The following NPHP4 variants were observed in gnomAD, a reference collection of about 807,000 sequenced individuals.
NPHP4 encodes the protein nephrocystin-4.
Under a neutral mutation model 155.8 loss-of-function variants are expected in NPHP4, and 151 were observed. The ratio of observed to expected loss-of-function variants is 0.97; its 90% CI spans 0.85 to 1.11. The LOEUF is 1.11. Among genes scored for constraint, NPHP4 ranks in the 50% least tolerant of loss-of-function variants. The probability of loss-of-function intolerance (pLI) is 0.00; values close to 1 mark genes in which losing one functional copy is unlikely to be tolerated. For missense variants in NPHP4, 1,956 were observed against 1,925.7 expected, an observed-to-expected ratio of 1.02 and a Z score of -0.29; for synonymous variants, 845 against 816.8, an observed-to-expected ratio of 1.03 and a Z score of -0.59.
At chr1:5,877,477 A>G (rs1243292232) in intron 19 of NPHP4, 179 bp from the exon 20 acceptor site, 1 of 444,986 alleles carries the variant, frequency 2.2e-6, no homozygotes, top group African/African-American at 2.0e-5. Flanking sequence ...ATAACTTTAT[A>G]CCCTGGTTTC....
intron 6 of NPHP4, among the ~76,000 whole-genome samples, chr1:5,955,034 A>C (rs1287262385): frequency 1.3e-5 from 2 of 152,116 alleles, no homozygotes; most frequent in African/African-American, 4.8e-5. Flanking sequence ...CAACAGAAAA[A>C]AAAAAAAACT....
chr1:5,944,180 C>T lies in NPHP4; in HGVS notation c.1119+2924G>A, dbSNP rs1458868029. ...TCCAGGAAGCTGGCAGCCGGGGAAGCTCCGTGGGGCCCATCGCACCAGCCA... is the reference window on the plus strand; with the variant it reads ...TCCAGGAAGCTGGCAGCCGGGGAAGTTCCGTGGGGCCCATCGCACCAGCCA... On this transcript the variant is annotated intron_variant, in intron 9 of 29. Coordinates refer to ENST00000378156, the MANE Select transcript of NPHP4 (RefSeq NM_015102.5). The surrounding 1 kb of genome is among the most constrained non-coding windows in gnomAD (Gnocchi z 4.3). Among the ~76,000 whole-genome samples the T allele has an allele frequency of 6.6e-6, 1 of 152,230 alleles. No individual in the cohort carries two copies. Among genetic ancestry groups the T allele is most frequent in the East Asian group, 1.9e-4 (1 of 5,198 alleles).
chr1:5,977,974 C>A (rs1174875872), intron 3 of NPHP4, among the ~76,000 whole-genome samples: 2 of 148,562 alleles, frequency 1.3e-5, no homozygotes, highest in Non-Finnish European at 3.0e-5. Flanking sequence ...CATTTCCCAA[C>A]TTATTCCCAA....
At chr1:5,879,963 G>T (rs902865975) in intron 19 of NPHP4, 151 bp downstream of exon 19, 4 of 919,168 alleles carry the variant, frequency 4.4e-6, no homozygotes, top group Non-Finnish European at 5.0e-6. Flanking sequence ...GCACAGTCCC[G>T]TCCTAGACGC....
At position 5,910,189 on chromosome 1, in the gene NPHP4, A is replaced by G. The variant is rs1412429563; in HGVS notation, c.1442-976T>C. On this transcript the variant is annotated intron_variant, in intron 11 of 29. Coordinates refer to ENST00000378156, the MANE Select transcript of NPHP4 (RefSeq NM_015102.5). This position sits in a 1 kb window ranked among gnomAD's most constrained non-coding sequence, Gnocchi z 5.4. ...CATCCTGACGGGGCCACCTCTGCCC[A>G]CTCAGAGGCCAGGGTGGGAGCCCTG... is the stretch of plus-strand genomic sequence containing the variant. Among the ~76,000 whole-genome samples the G allele has an allele frequency of 6.6e-6, 1 of 151,982 alleles. No homozygotes were observed. Among genetic ancestry groups the G allele is most frequent in the Non-Finnish European group, 1.5e-5 (1 of 67,970 alleles).
At chr1:5,949,807 A>C (rs1647602024) in intron 7 of NPHP4, among the ~76,000 whole-genome samples, 1 of 152,152 alleles carries the variant, frequency 6.6e-6, no homozygotes, top group Non-Finnish European at 1.5e-5. Context: ...CGGGACCACA[A>C]AACAGGCCCA....
At position 5,865,101 on chromosome 1, in the gene NPHP4, C is replaced by T. The variant is rs1570040228; in HGVS notation, c.3816+1G>A. 1 of 1,613,434 alleles carries T rather than the reference C, an allele frequency of 6.2e-7. No individual in the cohort carries two copies. Among genetic ancestry groups the T allele is most frequent in the Non-Finnish European group, 8.5e-7 (1 of 1,179,632 alleles). The stretch of plus-strand genomic sequence containing the variant: ...CAGAACAGCCCCCAGAGAGGCCGTA[C>T]CTTCAGCTCCTGGGGATGAGAGGTG... On this transcript the variant is annotated splice_donor_variant, in intron 27 of 29. Coordinates refer to ENST00000378156, the MANE Select transcript of NPHP4 (RefSeq NM_015102.5). LOFTEE classifies it high-confidence loss of function.
At chr1:5,907,305 G>GTTCCCCGGTGT in intron 12 of NPHP4, 83 bp from the exon 13 acceptor site, 2 of 846,838 alleles carry the variant, frequency 2.4e-6, no homozygotes, top group Non-Finnish European at 1.8e-6. Flanking sequence ...TGGCCACACC[G>GTTCCCCGGTGT]GGGAACGGGG....
intron 9 of NPHP4, among the ~76,000 whole-genome samples, chr1:5,937,558 A>C (rs1175338352): frequency 6.6e-6 from 1 of 151,612 alleles, no homozygotes; most frequent in African/African-American, 2.4e-5. Context: ...TTCTGCTGGG[A>C]CCTCCAGCCC....
chr1:5,865,213 G>T lies in NPHP4; in HGVS notation c.3705C>A (p.Arg1235=). 6.2e-7 allele frequency: 1 copy of T among 1,606,136 alleles called. No homozygotes were observed. The highest frequency in any genetic ancestry group is 8.5e-7 in the Non-Finnish European group (1 of 1,175,178). The change falls in exon 27 of 30, where the codon CGC becomes CGA. Residue 1235 remains arginine (R), a synonymous_variant. Transcript: ENST00000378156. ...TWQVYLHSLQ[R]VDVSCVAGQL... ...GGCCTGCGACGCAGGAGACATCCACGCGCTGCAGGGAGTGGAGGTAGACCT... is the reference window on the plus strand; with the variant it reads ...GGCCTGCGACGCAGGAGACATCCACTCGCTGCAGGGAGTGGAGGTAGACCT...
intron 18 of NPHP4, among the ~76,000 whole-genome samples, chr1:5,885,275 A>G (rs114025296): frequency 2.0e-5 from 3 of 149,386 alleles, no homozygotes; most frequent in East Asian, 4.0e-4. Flanking sequence ...CGCAACCAAG[A>G]TAAGTGCCCA....
At chr1:5,990,038 G>A (rs1270503276) in intron 1 of NPHP4, among the ~76,000 whole-genome samples, 1 of 152,208 alleles carries the variant, frequency 6.6e-6, no homozygotes, top group Admixed American at 6.5e-5. Context: ...CTGCAGGTGG[G>A]AGCCCAAGCG....
intron 19 of NPHP4, among the ~76,000 whole-genome samples, chr1:5,878,766 C>T (rs114573460): frequency 0.028 from 4,308 of 152,232 alleles, 198 homozygotes; most frequent in African/African-American, 0.097. Flanking sequence ...TGACCTGCTG[C>T]GCCTGGAGGC....
intron 11 of NPHP4, 76 bp from the exon 12 acceptor site, chr1:5,909,289 C>G: frequency 8.5e-7 from 1 of 1,183,348 alleles, no homozygotes; most frequent in Non-Finnish European, 1.2e-6. Flanking sequence ...TGAACCCCCA[C>G]GCAGTCAGGT....
Position 5,905,561 on chromosome 1 carries a change from G to T in NPHP4, c.1763+71C>A, listed in dbSNP as rs2101137254. The stretch of plus-strand genomic sequence containing the variant: ...ATGCACCTCCCTGTGGAAACCCTGG[G>T]GTTCACAAGGTCCAACAGTCTGACG... On this transcript the variant is annotated intron_variant, in intron 14 of 29. Transcript: ENST00000378156. This position sits in a 1 kb window ranked among gnomAD's most constrained non-coding sequence, Gnocchi z 4.0. 6.2e-7 allele frequency: 1 copy of T among 1,602,544 alleles called. No individual in the cohort carries two copies. Among genetic ancestry groups the T allele is most frequent in the Non-Finnish European group, 8.5e-7 (1 of 1,171,206 alleles).
In NPHP4 at chr1:5,992,373, C is replaced by G. The variant is rs1017858492; in HGVS notation, c.-168G>C. On this transcript the variant is annotated 5_prime_UTR_variant, in exon 1 of 30. Coordinates refer to ENST00000378156, the MANE Select transcript of NPHP4 (RefSeq NM_015102.5). ...GAGCCACAAGCCTGAGGACCGAGGACTGGCCGAGGGGCGCGCCCCGTCCGC... is the reference window on the plus strand; with the variant it reads ...GAGCCACAAGCCTGAGGACCGAGGAGTGGCCGAGGGGCGCGCCCCGTCCGC... The G allele has an allele frequency of 6.6e-6, 1 of 151,886 alleles. No homozygotes were observed. Among genetic ancestry groups the G allele is most frequent in the Non-Finnish European group, 1.5e-5 (1 of 68,024 alleles). The allele number at this position is 151,886 out of a possible 1,614,324, so 9.4% of individuals were successfully genotyped here.
At position 5,905,540 on chromosome 1, in the gene NPHP4, A is replaced by T; in HGVS notation, c.1764-57T>A. ...CGGGAAAGGGGGGACCCATTGATGC[A>T]CCTCCCTGTGGAAACCCTGGGGTTC... On this transcript the variant is annotated intron_variant, in intron 14 of 29. Transcript: ENST00000378156. This position sits in a 1 kb window ranked among gnomAD's most constrained non-coding sequence, Gnocchi z 4.0. 3 of 1,595,488 alleles carry T rather than the reference A, an allele frequency of 1.9e-6. No individual in the cohort carries two copies. The highest frequency in any genetic ancestry group is 1.7e-6 in the Non-Finnish European group (2 of 1,165,846).
intron 18 of NPHP4, chr1:5,880,499 G>A (rs1436708664): frequency 2.1e-5 from 10 of 477,354 alleles, no homozygotes; most frequent in Admixed American, 6.8e-5. Flanking sequence ...ATGAAAGCGT[G>A]TGGCACTCAC....
intron 3 of NPHP4, among the ~76,000 whole-genome samples, chr1:5,973,154 G>A (rs754519453): frequency 6.6e-6 from 1 of 152,166 alleles, no homozygotes. Context: ...CAAAGTGCTG[G>A]GATTACAGGC....
Sources: gnomAD v4.1 joint callset for allele counts (sites outside exome capture counted in the v4.1 genomes callset) on GRCh38, gnomAD v4.1.1 for gene constraint, Gnocchi (gnomAD v3.1) non-coding constraint, MANE v1.5 for transcripts, NCBI Gene and HGNC (gene_info 2026-07-23, HGNC 2026-07-21) for gene names.